Variants in TMEM201 observed in about 807,000 individuals in gnomAD.
TMEM201 encodes the protein transmembrane protein 201, also known as RP13-15M17.2.
A neutral mutation model predicts 63.4 loss-of-function variants in TMEM201; 26 were observed. That is an observed-to-expected ratio of 0.41 (90% CI 0.30 to 0.57). The LOEUF (loss-of-function observed/expected upper bound fraction) is 0.57. Among genes scored for constraint, TMEM201 ranks in the 20% least tolerant of loss-of-function variants. The probability of loss-of-function intolerance (pLI) is 0.29; values close to 1 mark genes in which losing one functional copy is unlikely to be tolerated. For synonymous variants in TMEM201, 417 were observed against 421.6 expected, an observed-to-expected ratio of 0.99 and a Z score of 0.14; for missense variants, 794 against 917.7, an observed-to-expected ratio of 0.87 and a Z score of 1.74.
At position 9,602,144 on chromosome 1, in the gene TMEM201, G is replaced by A. The variant is rs775215338; in HGVS notation, c.1032G>A (p.Leu344=). Residue 344 remains leucine, a synonymous_variant, in exon 6 of 11, where the codon CTG becomes CTA. Coordinates refer to ENST00000340381, the MANE Select transcript of TMEM201 (RefSeq NM_001130924.3). Reference sequence around the variant, plus strand: ...GGCTGCACCTGGCTGAGCAGCACCTGCAGGCCGCCTCGCCTAGCTGGCTAG... The same window carrying A: ...GGCTGCACCTGGCTGAGCAGCACCTACAGGCCGCCTCGCCTAGCTGGCTAG... ...LLGLHLAEQH[L]QAASPSWLDT... The A allele has an allele frequency of 1.9e-6, 3 of 1,612,998 alleles. No homozygotes were observed. Among genetic ancestry groups the A allele is most frequent in the South Asian group, 2.2e-5 (2 of 91,088 alleles).
intron 1 of TMEM201, among the ~76,000 whole-genome samples, chr1:9,593,292 G>T (rs997071609): frequency 6.6e-6 from 1 of 152,226 alleles, no homozygotes; most frequent in African/African-American, 2.4e-5. Flanking sequence ...CCGTGCTGGT[G>T]CCTGGGGGAC....
intron 1 of TMEM201, among the ~76,000 whole-genome samples, chr1:9,594,489 A>G (rs537972325): frequency 6.6e-6 from 1 of 152,226 alleles, no homozygotes; most frequent in East Asian, 1.9e-4. Context: ...TTTTGCGTAC[A>G]TACTCTAGGC....
rs1409438667 is a variant in TMEM201 at position 9,610,845 on chromosome 1, C to G, written c.1765+40C>G. 1 of 1,505,808 alleles carries G rather than the reference C, an allele frequency of 6.6e-7. No individual in the cohort carries two copies. The highest frequency in any genetic ancestry group is 8.9e-7 in the Non-Finnish European group (1 of 1,122,276). 93.3% of individuals were successfully genotyped at this position (1,505,808 alleles called of 1,614,324 possible). Reference sequence around the variant, plus strand: ...CCACCCCAAGGGGCCGTGGGAGGGCCTCTGCTGCCAAGAGGCCTGGCTGTG... The same window carrying G: ...CCACCCCAAGGGGCCGTGGGAGGGCGTCTGCTGCCAAGAGGCCTGGCTGTG... On this transcript the variant is annotated intron_variant, in intron 9 of 10. Coordinates refer to ENST00000340381, the MANE Select transcript of TMEM201 (RefSeq NM_001130924.3). This position sits in a 1 kb window ranked among gnomAD's most constrained non-coding sequence, Gnocchi z 4.9.
intron 1 of TMEM201, among the ~76,000 whole-genome samples, chr1:9,594,240 C>T (rs1310085090): frequency 5.3e-5 from 8 of 152,232 alleles, no homozygotes; most frequent in African/African-American, 9.6e-5. Context: ...GGCTCCGTTT[C>T]GTCGCTGGTC....
chr1:9,602,395 C>G, intron 6 of TMEM201, 123 bp downstream of exon 6: 2 of 1,482,894 alleles, frequency 1.3e-6, no homozygotes, highest in Non-Finnish European at 1.8e-6. Flanking sequence ...CCTCCCACCC[C>G]CACCCTACAG....
In TMEM201 at chr1:9,601,448, G is replaced by A. The variant is rs773511046; in HGVS notation, c.950G>A (p.Arg317His). Residue 317 changes from arginine to histidine, a missense_variant, in exon 5 of 11, where the codon CGC becomes CAC. By Grantham distance (29) the Arg-to-His change is conservative. Coordinates refer to ENST00000340381, the MANE Select transcript of TMEM201 (RefSeq NM_001130924.3). The part of the protein sequence containing the change: ...TCLLAMLLAG[R>H]IRLRRIDAFC... ...CTGCTGGCAATGCTGCTGGCTGGCC[G>A]CATCAGGTGTGCATGGGGCCAGGGC... 93 of 1,582,656 alleles carry A rather than the reference G, an allele frequency of 5.9e-5. No homozygotes were observed. The Admixed American group carries it at 1.2e-3, about 21-fold the overall frequency.
In TMEM201 at chr1:9,601,091, T is replaced by C. The variant is rs746523015; in HGVS notation, c.607-14T>C. The C allele has an allele frequency of 3.1e-5, 49 of 1,571,710 alleles. No homozygotes were observed. The highest frequency in any genetic ancestry group is 4.2e-5 in the Non-Finnish European group (48 of 1,152,220). ...TGGCCGTCTCACTAACCCGCCTCTC[T>C]TCCTCCTTTGCAGAACTTCTCCTCC... On this transcript the variant is annotated splice_polypyrimidine_tract_variant and intron_variant, in intron 4 of 10. Transcript: ENST00000340381.
Position 9,613,378 on chromosome 1 carries a change from C to T in TMEM201, c.*295C>T. 1 of 500,916 alleles carries T rather than the reference C, an allele frequency of 2.0e-6. No individual in the cohort carries two copies. Among genetic ancestry groups the T allele is most frequent in the Non-Finnish European group, 3.6e-6 (1 of 274,986 alleles). The allele number at this position is 500,916 out of a possible 1,614,324, so 31.0% of individuals were successfully genotyped here. ...GGGAGCCCCAAGGGGCTGCATGACC[C>T]TGGGGTGCCCCACACAGTTCAGCCC... On this transcript the variant is annotated 3_prime_UTR_variant, in exon 11 of 11. Coordinates refer to ENST00000340381, the MANE Select transcript of TMEM201 (RefSeq NM_001130924.3).
chr1:9,610,554 C>T lies in TMEM201; in HGVS notation c.1514C>T (p.Ser505Phe), dbSNP rs1479785529. 6 of 1,549,374 alleles carry T rather than the reference C, an allele frequency of 3.9e-6. No individual in the cohort carries two copies. Among genetic ancestry groups the T allele is most frequent in the African/African-American group, 1.4e-5 (1 of 73,036 alleles). Residue 505 changes from serine to phenylalanine, a missense_variant, in exon 9 of 11, where the codon TCC (serine) becomes TTC (phenylalanine). Ser to Phe is a radical substitution (Grantham distance 155). Coordinates refer to ENST00000340381, the MANE Select transcript of TMEM201 (RefSeq NM_001130924.3). The surrounding 1 kb of genome is among the most constrained non-coding windows in gnomAD (Gnocchi z 4.9). ...SGSCPSSPLP[S>F]PAPSVAGSVA... is the part of the protein sequence containing the mutation. ...AGCTGCCCCTCCTCCCCACTCCCTTCCCCAGCGCCTTCCGTGGCCGGCTCG... is the reference window on the plus strand; with the variant it reads ...AGCTGCCCCTCCTCCCCACTCCCTTTCCCAGCGCCTTCCGTGGCCGGCTCG...
At position 9,604,005 on chromosome 1, in the gene TMEM201, C is replaced by G. The variant is rs1569945540; in HGVS notation, c.1160+1733C>G. On this transcript the variant is annotated intron_variant, in intron 6 of 10. Coordinates refer to ENST00000340381, the MANE Select transcript of TMEM201 (RefSeq NM_001130924.3). This position sits in a 1 kb window ranked among gnomAD's most constrained non-coding sequence, Gnocchi z 4.1. The stretch of plus-strand genomic sequence containing the variant: ...CAAAGCGGCCCCCCATGGTGTCTAC[C>G]TGAGGGGCAGGGAACCGCCTGCCTG... 6 of 985,434 alleles carry G rather than the reference C, an allele frequency of 6.1e-6. No homozygotes were observed. The highest frequency in any genetic ancestry group is 1.7e-5 in the African/African-American group (1 of 57,346). 61.0% of individuals were successfully genotyped at this position (985,434 alleles called of 1,614,324 possible).
At position 9,610,571 on chromosome 1, in the gene TMEM201, G is replaced by T. The variant is rs528534948; in HGVS notation, c.1531G>T (p.Ala511Ser). ...SPLPSPAPSV[A>S]GSVASSSGSL... is the part of the protein sequence containing the mutation. ...ACTCCCTTCCCCAGCGCCTTCCGTG[G>T]CCGGCTCGGTGGCCTCCAGCTCCGG... Residue 511 changes from alanine (A) to serine (S), a missense_variant, in exon 9 of 11, where the codon GCC becomes TCC. Ala to Ser is a moderately conservative substitution (Grantham distance 99, BLOSUM62 1). Coordinates refer to ENST00000340381, the MANE Select transcript of TMEM201 (RefSeq NM_001130924.3). This position sits in a 1 kb window ranked among gnomAD's most constrained non-coding sequence, Gnocchi z 4.9. The T allele has an allele frequency of 3.3e-5, 51 of 1,549,684 alleles. No homozygotes were observed. The highest frequency in any genetic ancestry group is 4.1e-5 in the Non-Finnish European group (47 of 1,146,550).
chr1:9,592,080 TC>T (rs1227450425), intron 1 of TMEM201, among the ~76,000 whole-genome samples: 1 of 152,258 alleles, frequency 6.6e-6, no homozygotes, highest in African/African-American at 2.4e-5. Context: ...TGGGGCGTTT[TC>T]CATCCTGATG....
In TMEM201 at chr1:9,610,794, A is replaced by C. The variant is rs1293261874; in HGVS notation, c.1754A>C (p.Lys585Thr). 1 of 1,542,142 alleles carries C rather than the reference A, an allele frequency of 6.5e-7. No individual in the cohort carries two copies. The highest frequency in any genetic ancestry group is 1.2e-5 in the South Asian group (1 of 83,610). ...VPRKPPLQDV[K>T]HALDLRSKLE... is the part of the protein sequence containing the mutation. ...CGGAAGCCGCCCCTGCAGGACGTGA[A>C]GCACGCCCTGGGTACGGCCTTCTGA... The change falls in exon 9 of 11, where the codon AAG (lysine) becomes ACG (threonine). Residue 585 changes from lysine (K) to threonine (T), a missense_variant. By Grantham distance (78) the Lys-to-Thr change is moderately conservative. Transcript: ENST00000340381. This position sits in a 1 kb window ranked among gnomAD's most constrained non-coding sequence, Gnocchi z 4.9.
intron 4 of TMEM201, among the ~76,000 whole-genome samples, chr1:9,599,590 C>A (rs1427175045): frequency 6.6e-6 from 1 of 151,482 alleles, no homozygotes; most frequent in Admixed American, 6.6e-5. Flanking sequence ...GTGAAGTTCT[C>A]ACCAAAAATT....
chr1:9,599,899 CT>C (rs778025173), intron 4 of TMEM201, among the ~76,000 whole-genome samples: 3 of 152,206 alleles, frequency 2.0e-5, no homozygotes, highest in Non-Finnish European at 4.4e-5. Context: ...CGCCCGGCCC[CT>C]ATTGTGATTT....
chr1:9,607,492 G>A lies in TMEM201; in HGVS notation c.1161-65G>A. Reference sequence around the variant, plus strand: ...CTGTGGGAGAGGGGTGGGACCCACTGCAAGGCTGCCTCCAGGACCTCCCGC... The same window carrying A: ...CTGTGGGAGAGGGGTGGGACCCACTACAAGGCTGCCTCCAGGACCTCCCGC... On this transcript the variant is annotated intron_variant, in intron 6 of 10. Coordinates refer to ENST00000340381, the MANE Select transcript of TMEM201 (RefSeq NM_001130924.3). The surrounding 1 kb of genome is among the most constrained non-coding windows in gnomAD (Gnocchi z 5.4). The A allele has an allele frequency of 1.5e-6, 2 of 1,343,114 alleles. No individual in the cohort carries two copies. The highest frequency in any genetic ancestry group is 2.0e-6 in the Non-Finnish European group (2 of 981,186). The allele number at this position is 1,343,114 out of a possible 1,614,324, so 83.2% of individuals were successfully genotyped here.
In TMEM201 at chr1:9,607,542, G is replaced by C. The variant is rs1267262035; in HGVS notation, c.1161-15G>C. On this transcript the variant is annotated splice_polypyrimidine_tract_variant and intron_variant, in intron 6 of 10. Coordinates refer to ENST00000340381, the MANE Select transcript of TMEM201 (RefSeq NM_001130924.3). This position sits in a 1 kb window ranked among gnomAD's most constrained non-coding sequence, Gnocchi z 5.4. Reference sequence around the variant, plus strand: ...CTGACCCTCTTCTTGTCCCGTGCCTGACGGGCCCTTGCAGGTTCTTCCCAG... The same window carrying C: ...CTGACCCTCTTCTTGTCCCGTGCCTCACGGGCCCTTGCAGGTTCTTCCCAG... The C allele has an allele frequency of 6.5e-6, 10 of 1,538,806 alleles. No homozygotes were observed. Among genetic ancestry groups the C allele is most frequent in the Non-Finnish European group, 7.9e-6 (9 of 1,139,748 alleles).
At chr1:9,602,630 C>G (rs1232631950) in intron 6 of TMEM201, 1 of 1,195,690 alleles carries the variant, frequency 8.4e-7, no homozygotes, top group African/African-American at 1.6e-5. Context: ...ACCCCCCTCT[C>G]ACCACGCCGT....
Position 9,610,094 on chromosome 1 carries a change from GTC to G in TMEM201, c.1465+187_1465+188del, listed in dbSNP as rs1644300858. 1.3e-5 allele frequency among the ~76,000 whole-genome samples: 2 copies of G among 152,218 alleles called. No individual in the cohort carries two copies. The highest frequency in any genetic ancestry group is 2.9e-5 in the Non-Finnish European group (2 of 68,042). ...CCTCTTGCGTGAAATGGGAATGACA[GTC>G]TCTAGGATCAGATGGTACCATGCTG... On this transcript the variant is annotated intron_variant, in intron 8 of 10. Transcript: ENST00000340381. The surrounding 1 kb of genome is among the most constrained non-coding windows in gnomAD (Gnocchi z 4.9).
Sources: allele counts gnomAD v4.1 joint callset (sites outside exome capture counted in the v4.1 genomes callset), GRCh38; gene constraint gnomAD v4.1.1; non-coding constraint Gnocchi (gnomAD v3.1); transcripts MANE v1.5; gene names NCBI Gene and HGNC (gene_info 2026-07-23, HGNC 2026-07-21).